The following CNPY1 variants were observed in gnomAD, a reference collection of about 807,000 sequenced individuals.
The protein encoded by CNPY1 is protein canopy homolog 1.
Under a neutral mutation model 14.4 loss-of-function variants are expected in CNPY1, and 14 were observed. The ratio of observed to expected loss-of-function variants is 0.97; its 90% confidence interval spans 0.64 to 1.52. The LOEUF (loss-of-function observed/expected upper bound fraction) is 1.52, where lower values mean the gene tolerates loss of function less well. Ranked by LOEUF, CNPY1 falls within the 40% of genes most tolerant of loss-of-function variation. CNPY1 has a pLI of 0.00. For missense variants in CNPY1, 129 were observed against 131.5 expected (o/e 0.98, Z 0.09); for synonymous variants, 43 against 46.5 (o/e 0.92, Z 0.31).
intron 2 of CNPY1, among the ~76,000 whole-genome samples, chr7:155,528,754 CT>C (rs757961137): frequency 6.6e-6 from 1 of 152,192 alleles, no homozygotes; most frequent in Non-Finnish European, 1.5e-5. Flanking sequence ...GACAAGGCTT[CT>C]CCACCTAAGA....
At chr7:155,542,610 C>T (rs1797099166) in intron 2 of CNPY1, among the ~76,000 whole-genome samples, 1 of 152,198 alleles carries the variant, frequency 6.6e-6, no homozygotes, top group Non-Finnish European at 1.5e-5. Flanking sequence ...AAGCGGGGTC[C>T]CCACATATCC....
chr7:155,545,835 C>T lies in CNPY1; in HGVS notation c.95G>A (p.Arg32Lys). ...RINPDGTQER[R>K]KIPLAQSEAF... The stretch of plus-strand genomic sequence containing the variant: ...ACATAATATCTTTTCCACTACCTTT[C>T]TCCTCTCCTGAGTCCCATCGGGATT... Residue 32 changes from arginine (R) to lysine (K), a missense_variant, in exon 2 of 5, where the codon AGA becomes AAA. Arg to Lys is a conservative substitution (Grantham distance 26). Coordinates refer to ENST00000636446, the MANE Select transcript of CNPY1 (RefSeq NM_001393663.1). 1 of 398,662 alleles carries T rather than the reference C, an allele frequency of 2.5e-6. No homozygotes were observed. The highest frequency in any genetic ancestry group is 4.4e-6 in the Non-Finnish European group (1 of 226,066). The allele number at this position is 398,662 out of a possible 1,614,324, so 24.7% of individuals were successfully genotyped here. A position where few individuals can be genotyped will look rare whatever the true frequency, so the allele number is the denominator to read the frequency against.
At chr7:155,508,033 C>T (rs1372646692) in intron 3 of CNPY1, among the ~76,000 whole-genome samples, 2 of 152,212 alleles carry the variant, frequency 1.3e-5, no homozygotes, top group East Asian at 1.9e-4. Context: ...CTGATTATTG[C>T]CTTTACTTTC....
At chr7:155,506,889 A>T in intron 4 of CNPY1, 131 bp downstream of exon 4, 1 of 651,098 alleles carries the variant, frequency 1.5e-6, no homozygotes, top group Non-Finnish European at 2.7e-6. Context: ...TTCAGCGGAG[A>T]CGGGGGATCC....
At chr7:155,526,314 C>T (rs973781307) in intron 2 of CNPY1, among the ~76,000 whole-genome samples, 8 of 152,082 alleles carry the variant, frequency 5.3e-5, no homozygotes, top group Admixed American at 1.3e-4. Flanking sequence ...CACAGGTAGA[C>T]GGAAAAGAAA....
intron 2 of CNPY1, among the ~76,000 whole-genome samples, chr7:155,523,858 G>T (rs1219101308): frequency 6.6e-6 from 1 of 152,184 alleles, no homozygotes; most frequent in Non-Finnish European, 1.5e-5. Flanking sequence ...CCATGTGACT[G>T]ATGCCTTACC....
At chr7:155,516,490 C>A (rs1312801573) in intron 2 of CNPY1, among the ~76,000 whole-genome samples, 1 of 152,128 alleles carries the variant, frequency 6.6e-6, no homozygotes, top group Non-Finnish European at 1.5e-5. Flanking sequence ...AGAGTGGAAC[C>A]GCGGGGACCT....
chr7:155,519,999 A>G (rs1796688184), intron 2 of CNPY1, among the ~76,000 whole-genome samples: 2 of 152,002 alleles, frequency 1.3e-5, no homozygotes, highest in Admixed American at 1.3e-4. Flanking sequence ...TAACTCTGCT[A>G]TGAGGATTTC....
At chr7:155,507,228 G>C in intron 3 of CNPY1, 112 bp from the exon 4 acceptor site, 1 of 700,972 alleles carries the variant, frequency 1.4e-6, no homozygotes, top group Non-Finnish European at 2.5e-6. Flanking sequence ...ATGTAACCAA[G>C]GTGGTCCATT....
intron 2 of CNPY1, among the ~76,000 whole-genome samples, chr7:155,538,887 A>G (rs1019614638): frequency 6.6e-6 from 1 of 152,064 alleles, no homozygotes; most frequent in Non-Finnish European, 1.5e-5. Context: ...TCAGAGTGTG[A>G]GCTCCTATGG....
intron 2 of CNPY1, among the ~76,000 whole-genome samples, chr7:155,537,689 T>G (rs1797039589): frequency 1.3e-5 from 2 of 152,154 alleles, no homozygotes; most frequent in Non-Finnish European, 2.9e-5. Context: ...CCTCCCAAAG[T>G]GCCGGGATTA....
chr7:155,544,621 C>G (rs61049699), intron 2 of CNPY1, among the ~76,000 whole-genome samples: 25,326 of 152,222 alleles, frequency 0.17, 2,264 homozygotes, highest in Non-Finnish European at 0.2. Context: ...CAGCTCCCGG[C>G]TGGTGTCAGG....
At position 155,527,050 on chromosome 7, in the gene CNPY1, CTTTCTTT is replaced by C. The variant is rs1472362991; in HGVS notation, c.100-17960_100-17954del. Among the ~76,000 whole-genome samples the C allele has an allele frequency of 3.5e-3, 237 of 67,486 alleles. 1 individual carries two copies. The highest frequency in any genetic ancestry group is 0.013 in the African/African-American group (222 of 17,146). The allele number at this position is 67,486 out of a possible 152,430, so 44.3% of individuals were successfully genotyped here. On this transcript the variant is annotated intron_variant, in intron 2 of 4. Transcript: ENST00000636446. ...TTCTTTTTTCTTTCTTTCTTTCTTT[CTTTCTTT>C]TTTTTTTTTTTTTTGAGACAGTCTT... is the stretch of plus-strand genomic sequence containing the variant.
intron 4 of CNPY1, 51 bp downstream of exon 4, chr7:155,506,967 TGA>T (rs1210118135): frequency 1.3e-4 from 156 of 1,191,194 alleles, no homozygotes; most frequent in Non-Finnish European, 1.7e-4. Context: ...CAAGGCTGAG[TGA>T]GAGAGAGAGG....
At chr7:155,519,312 T>C (rs1178546772) in intron 2 of CNPY1, among the ~76,000 whole-genome samples, 1 of 152,102 alleles carries the variant, frequency 6.6e-6, no homozygotes, top group African/African-American at 2.4e-5. Context: ...CTTTGATCTC[T>C]TGTTTGAGAC....
rs182650770 is a variant in CNPY1 at position 155,501,469 on chromosome 7, T to G, written c.*1599A>C. The stretch of plus-strand genomic sequence containing the variant: ...TGAACAGTTTTCACTGAAGCTTACT[T>G]AGTGTCACAGGTCCCGCCATGTTCC... On this transcript the variant is annotated 3_prime_UTR_variant, in exon 5 of 5. Coordinates refer to ENST00000636446, the MANE Select transcript of CNPY1 (RefSeq NM_001393663.1). 1 of 152,354 alleles carries G rather than the reference T, an allele frequency of 6.6e-6. No individual in the cohort carries two copies. The highest frequency in any genetic ancestry group is 1.9e-4 in the East Asian group (1 of 5,188). The allele number at this position is 152,354 out of a possible 1,614,324, so 9.4% of individuals were successfully genotyped here.
intron 2 of CNPY1, among the ~76,000 whole-genome samples, chr7:155,519,406 A>C (rs1041861541): frequency 1.3e-4 from 20 of 152,244 alleles, no homozygotes; most frequent in African/African-American, 4.8e-4. Flanking sequence ...CTGTGGTCCC[A>C]GCTACTTGGG....
chr7:155,509,165 G>T, intron 2 of CNPY1, 68 bp from the exon 3 acceptor site: 2 of 884,846 alleles, frequency 2.3e-6, no homozygotes, highest in Non-Finnish European at 3.4e-6. Flanking sequence ...CTTCCGGCGA[G>T]TCCACATGGA....
chr7:155,545,332 T>C (rs1431962831), intron 2 of CNPY1, among the ~76,000 whole-genome samples: 1 of 152,186 alleles, frequency 6.6e-6, no homozygotes, highest in Non-Finnish European at 1.5e-5. Context: ...CTGCCTCTGA[T>C]CCTCAGGGGG....
Sources: allele counts gnomAD v4.1 joint callset (sites outside exome capture counted in the v4.1 genomes callset), GRCh38; gene constraint gnomAD v4.1.1; transcripts MANE v1.5; gene names NCBI Gene and HGNC (gene_info 2026-07-23, HGNC 2026-07-21).